RYR2: variants seen among roughly 807,000 people sequenced by gnomAD.
The protein encoded by RYR2 is ryanodine receptor 2, also known as cardiac muscle ryanodine receptor-calcium release channel.
In RYR2, 227 loss-of-function variants were observed where a neutral mutation model predicts 601.1. That is an observed-to-expected ratio of 0.38 (90% CI 0.34 to 0.42). The LOEUF is 0.42. Ranked by LOEUF, RYR2 falls within the 10% of genes least tolerant of loss-of-function variation. The probability of loss-of-function intolerance (pLI) is 1.00; values close to 1 mark genes in which losing one functional copy is unlikely to be tolerated. For missense variants in RYR2, 4,646 were observed against 6,156.5 expected (o/e 0.75, Z 8.21); for synonymous variants, 2,223 against 2,175.1 (o/e 1.02, Z -0.61).
intron 79 of RYR2, 29 bp from the exon 80 acceptor site, chr1:237,742,267 C>T: frequency 1.6e-6 from 2 of 1,225,566 alleles, no homozygotes; most frequent in South Asian, 1.4e-5. Context: ...ATATTCCTGT[C>T]TCCTTTTTTT....
chr1:237,402,693 T>C (rs1558758604), intron 10 of RYR2, among the ~76,000 whole-genome samples: 1 of 152,096 alleles, frequency 6.6e-6, no homozygotes, highest in Non-Finnish European at 1.5e-5. Context: ...TTTGGGAGGA[T>C]ACCTTGAACT....
chr1:237,416,082 AG>A (rs960723082), intron 10 of RYR2, among the ~76,000 whole-genome samples: 30 of 151,796 alleles, frequency 2.0e-4, no homozygotes, highest in South Asian at 2.1e-4. Context: ...TCAAGACAAT[AG>A]GAGTTTCCAC....
rs143841935 is a variant in RYR2, at chr1:237,061,122, T to A, written c.48+18553T>A. On this transcript the variant is annotated intron_variant, in intron 1 of 104. Coordinates refer to ENST00000366574, the MANE Select transcript of RYR2 (RefSeq NM_001035.3). The stretch of plus-strand genomic sequence containing the variant: ...CTGACAACTCATGATGGGGAACACC[T>A]GCTTTGTATCTTTAATGTCCATTTG... Among the ~76,000 whole-genome samples, 11 of 152,350 alleles carry A rather than the reference T, an allele frequency of 7.2e-5. No individual in the cohort carries two copies. In the East Asian group the frequency reaches 2.1e-3, roughly 29 times the overall value.
intron 3 of RYR2, 25 bp from the exon 4 acceptor site, chr1:237,355,940 T>G (rs1699256882): frequency 6.3e-7 from 1 of 1,587,996 alleles, no homozygotes; most frequent in African/African-American, 1.3e-5. Flanking sequence ...TGTTTGTTAT[T>G]TATTTTGGCT....
At position 237,772,052 on chromosome 1, in the gene RYR2, A is replaced by C; in HGVS notation, c.11598A>C (p.Thr3866=). The change falls in exon 86 of 105, where the codon ACA becomes ACC. Residue 3866 remains threonine (T), a synonymous_variant. Transcript: ENST00000366574. ...TGAGAACTCAGACTGGCAATAATAC[A>C]ACTGTCAACATAATTATCTCCACTG... ...NYLRTQTGNN[T]TVNIIISTVD... 2.6e-6 allele frequency: 4 copies of C among 1,555,258 alleles called. No individual in the cohort carries two copies. The highest frequency in any genetic ancestry group is 3.5e-6 in the Non-Finnish European group (4 of 1,143,964).
In RYR2 at chr1:237,148,448, C is replaced by G. The variant is rs569936146; in HGVS notation, c.48+105879C>G. Among the ~76,000 whole-genome samples, 7 of 150,204 alleles carry G rather than the reference C, an allele frequency of 4.7e-5. No homozygotes were observed. In the South Asian group the frequency reaches 1.3e-3, roughly 27 times the overall value. ...TGACGGGTTGATAGGTACAGCAAACCACCATGGCACATGTATACCTACGTA... is the reference window on the plus strand; with the variant it reads ...TGACGGGTTGATAGGTACAGCAAACGACCATGGCACATGTATACCTACGTA... On this transcript the variant is annotated intron_variant, in intron 1 of 104. Coordinates refer to ENST00000366574, the MANE Select transcript of RYR2 (RefSeq NM_001035.3).
intron 82 of RYR2, among the ~76,000 whole-genome samples, chr1:237,758,758 C>A (rs1014765352): frequency 1.8e-4 from 28 of 152,154 alleles, no homozygotes; most frequent in Admixed American, 9.2e-4. Flanking sequence ...TTTCCTTAAA[C>A]CTTTGAGCAT....
chr1:237,347,489 T>G (rs74147242), intron 3 of RYR2, among the ~76,000 whole-genome samples: 10,032 of 152,230 alleles, frequency 0.066, 381 homozygotes, highest in African/African-American at 0.077. Context: ...AAGTATATAA[T>G]GTGGATTTCA....
chr1:237,139,641 G>T (rs1478761987), intron 1 of RYR2, among the ~76,000 whole-genome samples: 3 of 152,178 alleles, frequency 2.0e-5, no homozygotes, highest in Admixed American at 6.5e-5. Flanking sequence ...TCTGTGAGAG[G>T]TACTTGGTGT....
Position 237,671,110 on chromosome 1 carries a change from A to G in RYR2, c.8591-2986A>G, listed in dbSNP as rs182847392. ...CCTAGTGGCAGCAGACTAAGTGGTG[A>G]GGTAGGGGAAATTAGTCCTCGCAGT... On this transcript the variant is annotated intron_variant, in intron 58 of 104. Transcript: ENST00000366574. 5.8e-3 allele frequency among the ~76,000 whole-genome samples: 887 copies of G among 152,246 alleles called. 20 individuals are homozygous for G. Among genetic ancestry groups the G allele is most frequent in the South Asian group, 4.1e-3 (20 of 4,828 alleles).
intron 1 of RYR2, among the ~76,000 whole-genome samples, chr1:237,069,238 A>G (rs1288220207): frequency 6.6e-6 from 1 of 152,144 alleles, no homozygotes; most frequent in African/African-American, 2.4e-5. Context: ...GTGATAAGAG[A>G]AAGTGGGAAA....
chr1:237,086,006 T>A (rs1002009054), intron 1 of RYR2, among the ~76,000 whole-genome samples: 1 of 152,216 alleles, frequency 6.6e-6, no homozygotes, highest in Non-Finnish European at 1.5e-5. Flanking sequence ...CTGACTGCCT[T>A]GGCCTCTCAA....
chr1:237,546,089 T>G (rs1669773412), intron 25 of RYR2, among the ~76,000 whole-genome samples: 2 of 151,958 alleles, frequency 1.3e-5, no homozygotes, highest in Non-Finnish European at 2.9e-5. Context: ...CCTATTTAAA[T>G]GTCAGAAGTC....
rs146024374 is a variant in RYR2 at position 237,427,667 on chromosome 1, C to T, written c.1005+4419C>T. Among the ~76,000 whole-genome samples the T allele has an allele frequency of 9.8e-3, 1,478 of 151,054 alleles. 30 individuals are homozygous for T. Among genetic ancestry groups the T allele is most frequent in the African/African-American group, 0.034 (1,400 of 41,096 alleles). On this transcript the variant is annotated intron_variant, in intron 12 of 104. Coordinates refer to ENST00000366574, the MANE Select transcript of RYR2 (RefSeq NM_001035.3). Reference sequence around the variant, plus strand: ...GCGTGGTGGCATGCACCTGTAATCCCAGCTGCTTGGGAGGCTGAGGGAGGA... The same window carrying T: ...GCGTGGTGGCATGCACCTGTAATCCTAGCTGCTTGGGAGGCTGAGGGAGGA...
At chr1:237,541,176 T>G (rs554128177) in intron 25 of RYR2, among the ~76,000 whole-genome samples, 47 of 152,300 alleles carry the variant, frequency 3.1e-4, no homozygotes, top group African/African-American at 1.1e-3. Context: ...GTGGGTAAAT[T>G]TCACAGACCA....
chr1:237,242,193 G>GTTTTTTTT (rs1389322285), intron 1 of RYR2, among the ~76,000 whole-genome samples: 8 of 50,062 alleles, frequency 1.6e-4, no homozygotes, highest in Admixed American at 6.2e-4. Context: ...TTTGATCACT[G>GTTTTTTTT]TTTTTTTTGT....
At chr1:237,748,825 G>A (rs1449922719) in intron 80 of RYR2, among the ~76,000 whole-genome samples, 4 of 152,118 alleles carry the variant, frequency 2.6e-5, no homozygotes, top group Admixed American at 6.5e-5. Flanking sequence ...TTAAATATTC[G>A]AAAAAATATT....
chr1:237,188,979 A>C (rs1409133654), intron 1 of RYR2, among the ~76,000 whole-genome samples: 5 of 152,206 alleles, frequency 3.3e-5, no homozygotes, highest in African/African-American at 1.2e-4. Flanking sequence ...CTATGCAATC[A>C]ATCTCCAGGA....
intron 88 of RYR2, among the ~76,000 whole-genome samples, chr1:237,781,109 C>T (rs553435053): frequency 4.6e-5 from 7 of 151,994 alleles, no homozygotes; most frequent in East Asian, 1.9e-4. Context: ...AGTGCAGTGG[C>T]GTGATCTCTG....
Sources: allele counts gnomAD v4.1 joint callset (sites outside exome capture counted in the v4.1 genomes callset), GRCh38; gene constraint gnomAD v4.1.1; transcripts MANE v1.5; gene names NCBI Gene and HGNC (gene_info 2026-07-23, HGNC 2026-07-21).